The following PDE4DIP variants were observed in gnomAD, a reference collection of about 807,000 sequenced individuals.
The protein encoded by PDE4DIP is myomegalin.
Under a neutral mutation model 221.4 loss-of-function variants are expected in PDE4DIP, and 59 were observed. The observed-to-expected ratio is 0.27, with a 90% CI of 0.22 to 0.33. PDE4DIP has a LOEUF of 0.33. Among genes scored for constraint, PDE4DIP ranks in the 10% least tolerant of loss-of-function variants. PDE4DIP has a pLI of 1.00. For missense variants in PDE4DIP, 1,036 were observed against 2,154.2 expected (o/e 0.48, Z 10.28); for synonymous variants, 404 against 815.9 (o/e 0.50, Z 8.60).
At position 149,030,287 on chromosome 1, in the gene PDE4DIP, A is replaced by C. The variant is rs1553635728; in HGVS notation, c.6999+9A>C. On this transcript the variant is annotated intron_variant, in intron 43 of 43. Coordinates refer to ENST00000369354, the Ensembl canonical transcript of PDE4DIP. ...CAAGGACTAACTTAGAGGTAAGGAA[A>C]CTACTGCACCAGTCAGAGGCACCAA... 1 of 1,525,256 alleles carries C rather than the reference A, an allele frequency of 6.6e-7. No individual in the cohort carries two copies. The highest frequency in any genetic ancestry group is 8.9e-7 in the Non-Finnish European group (1 of 1,123,650). 94.5% of individuals were successfully genotyped at this position (1,525,256 alleles called of 1,614,324 possible).
In PDE4DIP at chr1:149,010,662, CA is replaced by C. The variant is rs2068342784; in HGVS notation, c.5080+69del. The stretch of plus-strand genomic sequence containing the variant: ...CTCTGCTGCCTGTTTGATTTTTCTT[CA>C]ACGACAGAGGTTTGGACTGTTAGGG... On this transcript the variant is annotated intron_variant, in intron 31 of 43. Transcript: ENST00000369354. 2.0e-6 allele frequency: 3 copies of C among 1,531,352 alleles called. No individual in the cohort carries two copies. The Admixed American group carries it at 5.2e-5, about 27-fold the overall frequency. The allele number at this position is 1,531,352 out of a possible 1,614,324, so 94.9% of individuals were successfully genotyped here.
intron 4 of PDE4DIP, among the ~76,000 whole-genome samples, chr1:148,937,479 T>C (rs113326036): frequency 6.6e-6 from 1 of 152,144 alleles, no homozygotes; most frequent in South Asian, 2.1e-4. Context: ...ATTCCAAGAG[T>C]TAAATTCCTA....
intron 43 of PDE4DIP, 38 bp from the exon 47 acceptor site, chr1:149,031,906 A>G (rs112507150): frequency 2.5e-6 from 4 of 1,583,070 alleles, no homozygotes; most frequent in South Asian, 1.1e-5. Flanking sequence ...GGGCCTGGCA[A>G]TATACACTGA....
At chr1:149,022,124 C>G in intron 37 of PDE4DIP, among the ~76,000 whole-genome samples, 1 of 148,610 alleles carries the variant, frequency 6.7e-6, no homozygotes, top group Middle Eastern at 3.5e-3. Flanking sequence ...AACATGTTCA[C>G]ACAAGTAAGG....
chr1:148,954,766 A>G (rs1345979363), intron 5 of PDE4DIP, among the ~76,000 whole-genome samples: 2 of 151,924 alleles, frequency 1.3e-5, no homozygotes, highest in Non-Finnish European at 1.5e-5. Context: ...GTTTGTTTCT[A>G]TAGCAACAGT....
intron 22 of PDE4DIP, among the ~76,000 whole-genome samples, chr1:148,996,507 C>T (rs1168283070): frequency 6.6e-6 from 1 of 152,174 alleles, no homozygotes; most frequent in Admixed American, 6.5e-5. Flanking sequence ...TCCCAAATCT[C>T]AGGCTCACAA....
At chr1:148,827,244 C>CTTT (rs67632049) in intron 1 of PDE4DIP, among the ~76,000 whole-genome samples, 14 of 34,124 alleles carry the variant, frequency 4.1e-4, no homozygotes, top group African/African-American at 4.4e-4. Flanking sequence ...GTGTTATATT[C>CTTT]TTTTTTTTTT....
chr1:148,934,431 A>T (rs1270797790), intron 4 of PDE4DIP, among the ~76,000 whole-genome samples: 2 of 152,182 alleles, frequency 1.3e-5, no homozygotes, highest in African/African-American at 4.8e-5. Flanking sequence ...AGAGTAGGAG[A>T]ACAGATCCTC....
intron 5 of PDE4DIP, among the ~76,000 whole-genome samples, chr1:148,954,976 TC>T (rs2054819899): frequency 6.6e-6 from 1 of 152,030 alleles, no homozygotes; most frequent in Non-Finnish European, 1.5e-5. Context: ...GGAAAGTAGT[TC>T]TATGGTATGT....
chr1:148,875,921 GT>G (rs1691094690), intron 3 of PDE4DIP, among the ~76,000 whole-genome samples: 1 of 152,286 alleles, frequency 6.6e-6, no homozygotes, highest in Admixed American at 6.5e-5. Context: ...GCGAGACTCT[GT>G]CTCAAATAAA....
At chr1:148,948,051 C>T (rs1255834936) in intron 5 of PDE4DIP, among the ~76,000 whole-genome samples, 4 of 147,510 alleles carry the variant, frequency 2.7e-5, no homozygotes, top group Admixed American at 6.7e-5. Flanking sequence ...TTGAAAACTG[C>T]TGTTTAAATT....
rs1480750887 is a variant in PDE4DIP at position 148,859,680 on chromosome 1, T to C, written c.234-3570T>C. ...TAGCTGAGCATGAGTCATTCATGAA[T>C]TGATATTTTCAAAAACTAGAGACAC... On this transcript the variant is annotated intron_variant, in intron 1 of 45. Transcript: ENST00000524974. Among the ~76,000 whole-genome samples the C allele has an allele frequency of 2.8e-5, 4 of 145,332 alleles. No individual in the cohort carries two copies. In the East Asian group the frequency reaches 8.1e-4, roughly 29 times the overall value.
chr1:149,006,440 A>G (rs1370772787), intron 27 of PDE4DIP: 1 of 152,198 alleles, frequency 6.6e-6, no homozygotes, highest in Non-Finnish European at 1.5e-5. Context: ...AATGATGGCC[A>G]TCATTGCAAA....
chr1:148,971,372 A>G lies in PDE4DIP; in HGVS notation c.1981-808A>G, dbSNP rs370380307. On this transcript the variant is annotated intron_variant, in intron 14 of 43. Transcript: ENST00000369354. Reference sequence around the variant, plus strand: ...AGATCTATTAGATAATGGTAAGTGCATCGAAAAAAAATTAAGCACAGTAAG... The same window carrying G: ...AGATCTATTAGATAATGGTAAGTGCGTCGAAAAAAAATTAAGCACAGTAAG... Among the ~76,000 whole-genome samples the G allele has an allele frequency of 8.5e-3, 1,280 of 149,968 alleles. 10 individuals carry two copies. The highest frequency in any genetic ancestry group is 0.014 in the Non-Finnish European group (965 of 67,254).
intron 5 of PDE4DIP, chr1:148,953,886 A>G (rs782648413): frequency 6.2e-7 from 1 of 1,612,332 alleles, no homozygotes; most frequent in Non-Finnish European, 8.5e-7. Flanking sequence ...TGTGAAGATT[A>G]TTTGCCGCTC....
At position 149,010,541 on chromosome 1, in the gene PDE4DIP, A is replaced by T. The variant is rs137931320; in HGVS notation, c.5026A>T (p.Ile1676Phe). The T allele has an allele frequency of 2.6e-5, 42 of 1,613,960 alleles. No individual in the cohort carries two copies. In the African/African-American group the frequency reaches 4.9e-4, roughly 19 times the overall value. ...TAAGGCCGAATCCAACAGCAACCCCATCAGCTTGCCAACTCCCCAGAATAC... is the reference window on the plus strand; with the variant it reads ...TAAGGCCGAATCCAACAGCAACCCCTTCAGCTTGCCAACTCCCCAGAATAC... Residue 1676 changes from isoleucine (I) to phenylalanine (F), a missense_variant, in exon 31 of 44, where the codon ATC (isoleucine) becomes TTC (phenylalanine). Ile to Phe is a conservative substitution (Grantham distance 21). Transcript: ENST00000369354.
chr1:148,862,714 G>A (rs1663916), intron 1 of PDE4DIP, among the ~76,000 whole-genome samples: 2 of 11,594 alleles, frequency 1.7e-4, no homozygotes, highest in African/African-American at 6.7e-4. Context: ...TTGATTTCCC[G>A]TAGCTTTTCA....
At chr1:148,826,471 GGC>G (rs1253765029) in intron 1 of PDE4DIP, among the ~76,000 whole-genome samples, 2 of 94,026 alleles carry the variant, frequency 2.1e-5, no homozygotes, top group Non-Finnish European at 4.3e-5. Flanking sequence ...CTTTCACCCA[GGC>G]TGGAGCGCAG....
intron 27 of PDE4DIP, 146 bp from the exon 31 acceptor site, chr1:149,007,055 A>G (rs2067249661): frequency 1.6e-6 from 1 of 609,722 alleles, no homozygotes; most frequent in Non-Finnish European, 3.0e-6. Context: ...ACTCTTAAAT[A>G]CCTCCTATGG....
Sources: allele counts gnomAD v4.1 joint callset (sites outside exome capture counted in the v4.1 genomes callset), GRCh38; gene constraint gnomAD v4.1.1; transcripts MANE v1.5; gene names NCBI Gene and HGNC (gene_info 2026-07-23, HGNC 2026-07-21).